Variants in ATAD2B observed in about 807,000 individuals in gnomAD.
ATAD2B encodes the protein ATPase family AAA domain-containing protein 2B.
A neutral mutation model predicts 167.6 loss-of-function variants in ATAD2B; 40 were observed. That is an observed-to-expected ratio of 0.24 (90% CI 0.19 to 0.31). The LOEUF is 0.31. Ranked by LOEUF, ATAD2B falls within the 10% of genes least tolerant of loss-of-function variation. The probability of loss-of-function intolerance (pLI) is 1.00; values close to 1 mark genes in which losing one functional copy is unlikely to be tolerated. For synonymous variants in ATAD2B, 579 were observed against 596.5 expected, an observed-to-expected ratio of 0.97 and a Z score of 0.43; for missense variants, 1,242 against 1,757.2, an observed-to-expected ratio of 0.71 and a Z score of 5.24.
chr2:23,888,331 T>C lies in ATAD2B; in HGVS notation c.418+19A>G. 6.4e-7 allele frequency: 1 copy of C among 1,550,786 alleles called. No homozygotes were observed. The highest frequency in any genetic ancestry group is 8.8e-7 in the Non-Finnish European group (1 of 1,139,140). Reference sequence around the variant, plus strand: ...TGTAAGAATTTTAAAACTAACCAGTTTTATAATAGAATACTCACATAAGCC... The same window carrying C: ...TGTAAGAATTTTAAAACTAACCAGTCTTATAATAGAATACTCACATAAGCC... On this transcript the variant is annotated intron_variant, in intron 3 of 27. Transcript: ENST00000238789.
At chr2:23,863,595 T>A in intron 11 of ATAD2B, 40 bp from the exon 12 acceptor site, 1 of 1,497,238 alleles carries the variant, frequency 6.7e-7, no homozygotes, top group Non-Finnish European at 8.9e-7. Flanking sequence ...AATTATATTA[T>A]CATCACTGCT....
At chr2:23,745,848 A>G (rs996051937), downstream of ATAD2B, among the ~76,000 whole-genome samples, 11 of 152,334 alleles carry the variant, frequency 7.2e-5, no homozygotes, top group African/African-American at 2.4e-4. Flanking sequence ...AAAAGCAAGG[A>G]CCTTGCTGTC....
intron 13 of ATAD2B, among the ~76,000 whole-genome samples, chr2:23,839,261 T>A (rs1690492771): frequency 6.6e-6 from 1 of 152,128 alleles, no homozygotes; most frequent in Admixed American, 6.5e-5. Flanking sequence ...CTACACTGAC[T>A]GCGATCTATA....
chr2:23,912,113 A>G (rs2150554719), intron 1 of ATAD2B, among the ~76,000 whole-genome samples: 1 of 152,338 alleles, frequency 6.6e-6, no homozygotes, highest in South Asian at 2.1e-4. Flanking sequence ...AAACAAAATA[A>G]GTCAGAACAA....
chr2:23,703,828 G>A, the ATAD2B span: 14 of 1,537,340 alleles, frequency 9.1e-6, no homozygotes, highest in Admixed American at 3.9e-5. Flanking sequence ...ACATTAAGGC[G>A]GGCCCAAACA....
At chr2:23,794,578 C>G (rs1682308343) in intron 19 of ATAD2B, among the ~76,000 whole-genome samples, 1 of 152,052 alleles carries the variant, frequency 6.6e-6, no homozygotes, top group African/African-American at 2.4e-5. Flanking sequence ...GATCAAACAC[C>G]TCATCAGTAA....
At chr2:23,737,049 G>C in the ATAD2B span, among the ~76,000 whole-genome samples, 1 of 152,222 alleles carries the variant, frequency 6.6e-6, no homozygotes, top group Non-Finnish European at 1.5e-5. Context: ...AAGCAGCCTG[G>C]AAGCTCGAAC....
intron 13 of ATAD2B, among the ~76,000 whole-genome samples, 177 bp from the exon 14 acceptor site, chr2:23,834,255 G>A (rs113028226): frequency 0.056 from 7,303 of 130,840 alleles, 242 homozygotes; most frequent in Middle Eastern, 0.092. Context: ...TCCGCCTCCC[G>A]GGTTCAAGCA....
At chr2:23,803,393 A>G (rs962571724) in intron 18 of ATAD2B, among the ~76,000 whole-genome samples, 3 of 152,294 alleles carry the variant, frequency 2.0e-5, no homozygotes, top group South Asian at 2.1e-4. Flanking sequence ...GTGACCAGCT[A>G]AAGTACTATA....
intron 2 of ATAD2B, among the ~76,000 whole-genome samples, chr2:23,894,682 T>A (rs1291761056): frequency 6.6e-6 from 1 of 152,078 alleles, no homozygotes; most frequent in African/African-American, 2.4e-5. Flanking sequence ...AGGATAGAGA[T>A]TATAACAGGT....
intron 12 of ATAD2B, among the ~76,000 whole-genome samples, chr2:23,862,678 T>C (rs1694588987): frequency 6.6e-6 from 1 of 152,222 alleles, no homozygotes; most frequent in Admixed American, 6.5e-5. Flanking sequence ...TGCTCTGCCT[T>C]TTAAAAGCAT....
Position 23,823,247 on chromosome 2 carries a change from G to A in ATAD2B, c.2131+11C>T. 2 of 1,593,036 alleles carry A rather than the reference G, an allele frequency of 1.3e-6. No individual in the cohort carries two copies. The highest frequency in any genetic ancestry group is 8.6e-7 in the Non-Finnish European group (1 of 1,166,500). On this transcript the variant is annotated intron_variant, in intron 16 of 27. Transcript: ENST00000238789. ...TTCATCTTAACAATATAAAAAAGTA[G>A]TTTAGAGTACCTTCTTTTTTGTCAC...
intron 18 of ATAD2B, among the ~76,000 whole-genome samples, chr2:23,807,485 A>T (rs567186843): frequency 6.6e-6 from 1 of 152,290 alleles, no homozygotes; most frequent in East Asian, 1.9e-4. Context: ...TGAGATCTCA[A>T]GGTAGAGATT....
the ATAD2B span, among the ~76,000 whole-genome samples, chr2:23,729,909 G>C: frequency 2.0e-5 from 3 of 152,100 alleles, no homozygotes; most frequent in Non-Finnish European, 2.9e-5. Flanking sequence ...AGGAAAAACT[G>C]ATAGAACTGA....
intron 18 of ATAD2B, among the ~76,000 whole-genome samples, chr2:23,810,073 T>G (rs1558574484): frequency 6.6e-6 from 1 of 152,142 alleles, no homozygotes; most frequent in Non-Finnish European, 1.5e-5. Flanking sequence ...CAATGCATAA[T>G]GACACAGGGT....
chr2:23,739,488 T>A, the ATAD2B span, among the ~76,000 whole-genome samples: 1 of 152,128 alleles, frequency 6.6e-6, no homozygotes, highest in African/African-American at 2.4e-5. Flanking sequence ...AATAAAGATG[T>A]TCTTTGAAAC....
intron 18 of ATAD2B, among the ~76,000 whole-genome samples, chr2:23,804,803 G>A (rs200001608): frequency 2.6e-5 from 4 of 151,228 alleles, no homozygotes; most frequent in East Asian, 1.9e-4. Flanking sequence ...TAACCATAAG[G>A]AACAACTATA....
At chr2:23,925,988 T>C (rs1704725514) in intron 1 of ATAD2B, among the ~76,000 whole-genome samples, 1 of 152,180 alleles carries the variant, frequency 6.6e-6, no homozygotes, top group Non-Finnish European at 1.5e-5. Flanking sequence ...GGAGAGGCGA[T>C]AGCGTTGATT....
Position 23,926,883 on chromosome 2 carries a change from C to T in ATAD2B, c.-113G>A, listed in dbSNP as rs1488258608. Reference sequence around the variant, plus strand: ...CCGAGCCGGGCAATGAGAGACGAGCCGGCCCGGAGCGTGCGGAGCGCAGAC... The same window carrying T: ...CCGAGCCGGGCAATGAGAGACGAGCTGGCCCGGAGCGTGCGGAGCGCAGAC... On this transcript the variant is annotated 5_prime_UTR_variant, in exon 1 of 28. Transcript: ENST00000238789. 7.7e-7 allele frequency: 1 copy of T among 1,292,692 alleles called. No individual in the cohort carries two copies. The highest frequency in any genetic ancestry group is 1.6e-5 in the African/African-American group (1 of 63,448). The allele number at this position is 1,292,692 out of a possible 1,614,324, so 80.1% of individuals were successfully genotyped here.
Sources: allele counts gnomAD v4.1 joint callset (sites outside exome capture counted in the v4.1 genomes callset), GRCh38; gene constraint gnomAD v4.1.1; transcripts MANE v1.5; gene names NCBI Gene and HGNC (gene_info 2026-07-23, HGNC 2026-07-21).